Variants in DZIP3 observed in about 807,000 individuals in gnomAD.
DZIP3 encodes DAZ interacting zinc finger protein 3, also known as E3 ubiquitin-protein ligase DZIP3.
Under a neutral mutation model 162.0 loss-of-function variants are expected in DZIP3, and 118 were observed. The observed-to-expected ratio is 0.73, with a 90% CI of 0.63 to 0.85. DZIP3 has a LOEUF of 0.85. Among genes scored for constraint, DZIP3 ranks in the 40% least tolerant of loss-of-function variants. The pLI is 0.00. For synonymous variants in DZIP3, 438 were observed against 458.6 expected (o/e 0.96, Z 0.57); for missense variants, 1,331 against 1,407.0 (o/e 0.95, Z 0.86).
At chr3:108,635,611 CTA>C (rs1425013138) in intron 10 of DZIP3, among the ~76,000 whole-genome samples, 1 of 133,712 alleles carries the variant, frequency 7.5e-6, no homozygotes, top group Admixed American at 8.0e-5. Context: ...TTATATATAA[CTA>C]TATAACTTAT....
chr3:108,665,377 A>T (rs1029179508), intron 21 of DZIP3, among the ~76,000 whole-genome samples: 1 of 152,178 alleles, frequency 6.6e-6, no homozygotes, highest in Non-Finnish European at 1.5e-5. Context: ...GGATTGAATC[A>T]GTGAACTTGG....
intron 21 of DZIP3, among the ~76,000 whole-genome samples, chr3:108,663,556 CAAA>C (rs200932139): frequency 6.7e-5 from 7 of 104,652 alleles, no homozygotes; most frequent in Admixed American, 9.5e-5. Flanking sequence ...AAGTCTGTCT[CAAA>C]AAAAAAAAAA....
rs75515963 is a variant in DZIP3, at chr3:108,609,530, A to T, written c.102+1372A>T. 5.4e-3 allele frequency among the ~76,000 whole-genome samples: 828 copies of T among 152,282 alleles called. 4 individuals carry two copies. Among genetic ancestry groups the T allele is most frequent in the South Asian group, 0.011 (53 of 4,826 alleles). On this transcript the variant is annotated intron_variant, in intron 3 of 32. Transcript: ENST00000361582. The stretch of plus-strand genomic sequence containing the variant: ...TGGATTAAGCATCAAATATTTTTTG[A>T]CAACTAACTTAAATTAAAAGTGTGG...
intron 21 of DZIP3, among the ~76,000 whole-genome samples, chr3:108,662,515 G>T (rs1029814078): frequency 2.6e-5 from 4 of 152,142 alleles, no homozygotes; most frequent in African/African-American, 9.7e-5. Context: ...ACATGAGAAA[G>T]ATAATTAACT....
At chr3:108,689,353 A>G (rs551407849) in intron 31 of DZIP3, among the ~76,000 whole-genome samples, 23 of 152,158 alleles carry the variant, frequency 1.5e-4, no homozygotes, top group Admixed American at 4.6e-4. Flanking sequence ...TCAGGCTTCT[A>G]TATTTGCTTT....
intron 1 of DZIP3, among the ~76,000 whole-genome samples, chr3:108,591,029 C>G (rs185149895): frequency 9.5e-4 from 145 of 152,264 alleles, no homozygotes; most frequent in African/African-American, 3.4e-3. Context: ...GACGTTATTA[C>G]TCTAGAATAA....
chr3:108,635,050 C>G, intron 10 of DZIP3, 78 bp downstream of exon 10: 1 of 850,770 alleles, frequency 1.2e-6, no homozygotes, highest in Non-Finnish European at 1.8e-6. Flanking sequence ...CCCATCGTTT[C>G]TTCCTGTTCA....
intron 8 of DZIP3, among the ~76,000 whole-genome samples, chr3:108,632,192 C>A (rs1941919914): frequency 6.6e-6 from 1 of 152,214 alleles, no homozygotes; most frequent in South Asian, 2.1e-4. Flanking sequence ...TTACATGATT[C>A]ACTTGTATTT....
At chr3:108,623,456 A>G (rs574437328) in intron 5 of DZIP3, among the ~76,000 whole-genome samples, 2 of 152,114 alleles carry the variant, frequency 1.3e-5, no homozygotes, top group Non-Finnish European at 2.9e-5. Flanking sequence ...TGTGTCTAGA[A>G]ATATTGTCTT....
At chr3:108,663,886 G>A (rs1210022600) in intron 21 of DZIP3, among the ~76,000 whole-genome samples, 1 of 152,218 alleles carries the variant, frequency 6.6e-6, no homozygotes, top group Non-Finnish European at 1.5e-5. Flanking sequence ...ACATGTAGAA[G>A]ATACCAAGAT....
rs1193622606 is a variant in DZIP3 at position 108,668,159 on chromosome 3, C to T, written c.2424-1522C>T. On this transcript the variant is annotated intron_variant, in intron 21 of 32. Coordinates refer to ENST00000361582, the MANE Select transcript of DZIP3 (RefSeq NM_014648.4). ...ATGTTTGGCAAATATTTGTTGATGA[C>T]AGTTGAAGTGTTAACAAAGAAGATT... Among the ~76,000 whole-genome samples, 3 of 152,092 alleles carry T rather than the reference C, an allele frequency of 2.0e-5. No homozygotes were observed. The South Asian group carries it at 6.2e-4, about 32-fold the overall frequency.
At chr3:108,602,446 A>T (rs1940072540) in intron 1 of DZIP3, among the ~76,000 whole-genome samples, 1 of 152,202 alleles carries the variant, frequency 6.6e-6, no homozygotes. Flanking sequence ...TGGTTAGTGG[A>T]TAAAGGTGTG....
At chr3:108,660,809 C>G (rs1360581478) in intron 19 of DZIP3, among the ~76,000 whole-genome samples, 4 of 152,130 alleles carry the variant, frequency 2.6e-5, no homozygotes, top group African/African-American at 7.2e-5. Flanking sequence ...ACAACCCCAT[C>G]AACAGGTGGG....
At chr3:108,646,866 C>T (rs1413708579) in intron 15 of DZIP3, among the ~76,000 whole-genome samples, 1 of 152,084 alleles carries the variant, frequency 6.6e-6, no homozygotes, top group East Asian at 1.9e-4. Context: ...CATGGTGAAA[C>T]CCCGTCTCTA....
chr3:108,649,100 G>T, intron 17 of DZIP3, 138 bp downstream of exon 17: 1 of 441,174 alleles, frequency 2.3e-6, no homozygotes, highest in Non-Finnish European at 3.6e-6. Context: ...TATGATTATA[G>T]AGAAGTCTAC....
rs9856437 is a variant in DZIP3 at position 108,684,411 on chromosome 3, T to A, written c.3009+70T>A. 1.7e-3 allele frequency: 2,647 copies of A among 1,523,610 alleles called. 38 individuals are homozygous for A. In the African/African-American group the frequency reaches 0.033, roughly 19 times the overall value. 94.4% of individuals were successfully genotyped at this position (1,523,610 alleles called of 1,614,324 possible). ...TACTCTAGTGGGCTTCCTGAATGAGTATCTTCATTTTGTTCATTCATTTGA... is the reference window on the plus strand; with the variant it reads ...TACTCTAGTGGGCTTCCTGAATGAGAATCTTCATTTTGTTCATTCATTTGA... On this transcript the variant is annotated intron_variant, in intron 27 of 32. Coordinates refer to ENST00000361582, the MANE Select transcript of DZIP3 (RefSeq NM_014648.4).
chr3:108,679,945 A>G (rs1030972406), intron 26 of DZIP3, among the ~76,000 whole-genome samples: 3 of 152,074 alleles, frequency 2.0e-5, no homozygotes, highest in Non-Finnish European at 2.9e-5. Flanking sequence ...TAATCCTCAG[A>G]GAAGTGTTAG....
chr3:108,690,932 G>A (rs1313969652), intron 32 of DZIP3, 29 bp downstream of exon 32: 4 of 1,592,884 alleles, frequency 2.5e-6, no homozygotes, highest in African/African-American at 2.7e-5. Flanking sequence ...AGGAAGCTCA[G>A]TTTTCTTTTA....
In DZIP3 at chr3:108,621,552, C is replaced by T. The variant is rs117326673; in HGVS notation, c.376-2892C>T. Reference sequence around the variant, plus strand: ...GTTGGTATTTTTGTAGAGATGGTGTCTCACACTATTGCCCACTTAGGTTAA... The same window carrying T: ...GTTGGTATTTTTGTAGAGATGGTGTTTCACACTATTGCCCACTTAGGTTAA... On this transcript the variant is annotated intron_variant, in intron 5 of 32. Transcript: ENST00000361582. 2.2e-3 allele frequency among the ~76,000 whole-genome samples: 332 copies of T among 152,268 alleles called. 7 individuals are homozygous for T. The East Asian group carries it at 0.051, about 23-fold the overall frequency.
Sources: gnomAD v4.1 joint callset for allele counts (sites outside exome capture counted in the v4.1 genomes callset) on GRCh38, gnomAD v4.1.1 for gene constraint, MANE v1.5 for transcripts, NCBI Gene and HGNC (gene_info 2026-07-23, HGNC 2026-07-21) for gene names.